The following CFAP20DC variants were observed in gnomAD, a reference collection of about 807,000 sequenced individuals.
CFAP20DC encodes the protein protein CFAP20DC.
CFAP20DC carries 84 observed loss-of-function variants against 101.7 expected under a neutral mutation model. The observed-to-expected ratio is 0.83, with a 90% confidence interval of 0.69 to 0.99. The LOEUF (loss-of-function observed/expected upper bound fraction) is 0.99, where lower values mean the gene tolerates loss of function less well. Among genes scored for constraint, CFAP20DC ranks in the 50% least tolerant of loss-of-function variants. The probability of loss-of-function intolerance (pLI) is 0.00; values close to 1 mark genes in which losing one functional copy is unlikely to be tolerated. For missense variants in CFAP20DC, 1,007 were observed against 970.3 expected (o/e 1.04, Z -0.50); for synonymous variants, 359 against 351.2 (o/e 1.02, Z -0.25).
intron 5 of CFAP20DC, among the ~76,000 whole-genome samples, chr3:58,917,891 G>C (rs533695448): frequency 6.6e-6 from 1 of 152,186 alleles, no homozygotes; most frequent in Non-Finnish European, 1.5e-5. Flanking sequence ...AGAGCTGCCA[G>C]ACCTTGCTCT....
At chr3:58,910,328 A>G (rs2084020976) in intron 6 of CFAP20DC, among the ~76,000 whole-genome samples, 1 of 152,104 alleles carries the variant, frequency 6.6e-6, no homozygotes, top group Non-Finnish European at 1.5e-5. Context: ...ATGTAAATAA[A>G]TTTTTGAGGC....
intron 4 of CFAP20DC, among the ~76,000 whole-genome samples, chr3:58,969,743 T>C (rs756773066): frequency 6.6e-6 from 1 of 152,128 alleles, no homozygotes; most frequent in Non-Finnish European, 1.5e-5. Context: ...TGGATAAACC[T>C]TGAAAACATT....
In CFAP20DC at chr3:58,721,443, T is replaced by C. The variant is rs1325690038; in HGVS notation, c.198-3815A>G. On this transcript the variant is annotated intron_variant, in intron 3 of 3. Coordinates refer to the CFAP20DC transcript ENST00000486145. This position sits in a 1 kb window ranked among gnomAD's most constrained non-coding sequence, Gnocchi z 5.2. ...GTGCTATGAATATTTATTCCAGGAG[T>C]CTGACCTAATGAAGAAGGTCAGGGA... is the stretch of plus-strand genomic sequence containing the variant. Among the ~76,000 whole-genome samples the C allele has an allele frequency of 6.6e-6, 1 of 151,936 alleles. No individual in the cohort carries two copies. The highest frequency in any genetic ancestry group is 1.5e-5 in the Non-Finnish European group (1 of 67,988).
chr3:58,855,376 T>C (rs2078678907), intron 12 of CFAP20DC, among the ~76,000 whole-genome samples: 1 of 152,176 alleles, frequency 6.6e-6, no homozygotes, highest in Non-Finnish European at 1.5e-5. Context: ...GGAACACTTT[T>C]ACACTGTTGC....
At chr3:58,920,727 G>A (rs1045249249) in intron 5 of CFAP20DC, among the ~76,000 whole-genome samples, 7 of 152,260 alleles carry the variant, frequency 4.6e-5, no homozygotes, top group Non-Finnish European at 1.0e-4. Context: ...CCACGTTCAT[G>A]AGGGATACTG....
chr3:58,963,078 C>G (rs1188545210), intron 4 of CFAP20DC, among the ~76,000 whole-genome samples: 1 of 151,934 alleles, frequency 6.6e-6, no homozygotes, highest in African/African-American at 2.4e-5. Flanking sequence ...GGCAATGGAG[C>G]TGCTGATTTT....
chr3:58,822,163 G>C (rs1384062894), intron 14 of CFAP20DC, among the ~76,000 whole-genome samples: 5 of 120,614 alleles, frequency 4.1e-5, no homozygotes, highest in South Asian at 6.9e-4. Context: ...GGGGAGGGGG[G>C]AAGGATAGCA....
rs2072524117 is a variant in CFAP20DC, at chr3:58,788,036, AGAT to A, written c.2237+18356_2237+18358del. On this transcript the variant is annotated intron_variant, in intron 15 of 16. Coordinates refer to ENST00000482387, the MANE Select transcript of CFAP20DC (RefSeq NM_001394063.1). The surrounding 1 kb of genome is among the most constrained non-coding windows in gnomAD (Gnocchi z 4.2). Reference sequence around the variant, plus strand: ...TAGCATTAGGAGAAACACCTAATGTAGATGATGGGTTGATAGGTGCAGCAAACC... The same window carrying A: ...TAGCATTAGGAGAAACACCTAATGTAGATGGGTTGATAGGTGCAGCAAACC... 1.3e-5 allele frequency among the ~76,000 whole-genome samples: 2 copies of A among 152,200 alleles called. No individual in the cohort carries two copies. The highest frequency in any genetic ancestry group is 4.8e-5 in the African/African-American group (2 of 41,542).
At chr3:58,809,276 T>G (rs561266634) in intron 14 of CFAP20DC, among the ~76,000 whole-genome samples, 95 of 152,066 alleles carry the variant, frequency 6.2e-4, no homozygotes, top group Non-Finnish European at 1.2e-3. Flanking sequence ...ACCACACCTA[T>G]TCCAAAATTG....
intron 13 of CFAP20DC, among the ~76,000 whole-genome samples, chr3:58,842,319 G>C (rs948963634): frequency 1.2e-4 from 18 of 152,264 alleles, no homozygotes; most frequent in African/African-American, 4.3e-4. Context: ...CACCGTGCGC[G>C]AGCTGAAGCA....
intron 14 of CFAP20DC, among the ~76,000 whole-genome samples, chr3:58,809,478 G>C (rs1163486439): frequency 1.3e-5 from 2 of 152,056 alleles, no homozygotes; most frequent in Non-Finnish European, 2.9e-5. Context: ...AATGAAGGCA[G>C]AAATAAAGAT....
intron 4 of CFAP20DC, among the ~76,000 whole-genome samples, chr3:58,996,475 T>C (rs1407939620): frequency 3.9e-5 from 6 of 152,270 alleles, no homozygotes. Context: ...AGATGTATAA[T>C]GTATGACATA....
intron 4 of CFAP20DC, among the ~76,000 whole-genome samples, chr3:58,984,288 T>C (rs2092681839): frequency 6.6e-6 from 1 of 152,242 alleles, no homozygotes. Context: ...ACTATATTTG[T>C]CAGAATATCC....
Position 58,795,259 on chromosome 3 carries a change from G to A in CFAP20DC, c.2237+11136C>T, listed in dbSNP as rs1434978593. On this transcript the variant is annotated intron_variant, in intron 15 of 16. Transcript: ENST00000482387. This position sits in a 1 kb window ranked among gnomAD's most constrained non-coding sequence, Gnocchi z 4.2. ...TCTTTAACTGGATTGTGGGCCAAAG[G>A]TAATCTGAGTTCAGCATCTGGATGG... 6.6e-6 allele frequency among the ~76,000 whole-genome samples: 1 copy of A among 152,198 alleles called. No homozygotes were observed. The highest frequency in any genetic ancestry group is 1.9e-4 in the East Asian group (1 of 5,198).
intron 5 of CFAP20DC, among the ~76,000 whole-genome samples, chr3:58,919,800 T>C (rs2085142144): frequency 6.6e-6 from 1 of 152,206 alleles, no homozygotes; most frequent in South Asian, 2.1e-4. Flanking sequence ...TTTTTAATTG[T>C]TTATTGCTAG....
rs550532640 is a variant in CFAP20DC, at chr3:58,729,421, A to G, written c.198-11793T>C. 1.3e-5 allele frequency among the ~76,000 whole-genome samples: 2 copies of G among 151,014 alleles called. No homozygotes were observed. The highest frequency in any genetic ancestry group is 4.2e-4 in the South Asian group (2 of 4,782). ...TGTCTTGTATACAGTAAAACAATTGATTTTTATATAATGACTTTTATCCAA... is the reference window on the plus strand; with the variant it reads ...TGTCTTGTATACAGTAAAACAATTGGTTTTTATATAATGACTTTTATCCAA... On this transcript the variant is annotated intron_variant, in intron 3 of 3. Transcript: ENST00000486145. This position sits in a 1 kb window ranked among gnomAD's most constrained non-coding sequence, Gnocchi z 4.4.
intron 4 of CFAP20DC, among the ~76,000 whole-genome samples, chr3:59,037,053 T>C (rs1351491879): frequency 6.6e-6 from 1 of 152,158 alleles, no homozygotes; most frequent in East Asian, 1.9e-4. Context: ...ATTTAATAAA[T>C]GGAGTTGGGA....
downstream of CFAP20DC, among the ~76,000 whole-genome samples, chr3:58,716,202 G>C (rs1039431048): frequency 1.0e-4 from 14 of 138,982 alleles, no homozygotes; most frequent in South Asian, 2.3e-4. Flanking sequence ...TCGCCCAGGC[G>C]GGACTGCGGA....
chr3:59,034,203 T>G (rs886400028), intron 4 of CFAP20DC, among the ~76,000 whole-genome samples: 1 of 151,972 alleles, frequency 6.6e-6, no homozygotes, highest in South Asian at 2.1e-4. Context: ...AAGCACTAAA[T>G]ATGAAAAGGA....
Sources: gnomAD v4.1 joint callset for allele counts (sites outside exome capture counted in the v4.1 genomes callset) on GRCh38, gnomAD v4.1.1 for gene constraint, Gnocchi (gnomAD v3.1) non-coding constraint, MANE v1.5 for transcripts, NCBI Gene and HGNC (gene_info 2026-07-23, HGNC 2026-07-21) for gene names.